Variants in LDHB observed in about 807,000 individuals in gnomAD.
LDHB encodes the protein L-lactate dehydrogenase B chain.
A neutral mutation model predicts 33.4 loss-of-function variants in LDHB; 18 were observed. The observed-to-expected ratio is 0.54, with a 90% CI of 0.37 to 0.80. The LOEUF (loss-of-function observed/expected upper bound fraction) is 0.80, where lower values mean the gene tolerates loss of function less well. Ranked by LOEUF, LDHB falls within the 30% of genes least tolerant of loss-of-function variation. The probability of loss-of-function intolerance (pLI) is 0.00; values close to 1 mark genes in which losing one functional copy is unlikely to be tolerated. For synonymous variants in LDHB, 121 were observed against 140.6 expected (o/e 0.86, Z 0.98); for missense variants, 345 against 407.9 (o/e 0.85, Z 1.33).
rs1311051522 is a variant in LDHB at position 21,635,627 on chromosome 12, T to C, written c.920A>G (p.Gln307Arg). The C allele has an allele frequency of 1.2e-6, 2 of 1,613,502 alleles. No homozygotes were observed. The highest frequency in any genetic ancestry group is 1.7e-6 in the Non-Finnish European group (2 of 1,179,734). ...AGCAACCTCATCATCCTTTAGCTTCTGGTTGATAACGCTGGTTAATCCCCG... is the reference window on the plus strand; with the variant it reads ...AGCAACCTCATCATCCTTTAGCTTCCGGTTGATAACGCTGGTTAATCCCCG... ...NARGLTSVIN[Q>R]KLKDDEVAQL... is the part of the protein sequence containing the mutation. The change falls in exon 8 of 8, where the codon CAG (glutamine) becomes CGG (arginine). Residue 307 changes from glutamine to arginine, a missense_variant. Physicochemically the swap from Gln to Arg is conservative, Grantham distance 43. Transcript: ENST00000350669.
chr12:21,654,523 A>G lies in LDHB; in HGVS notation c.129+20T>C, dbSNP rs374459879. 21 of 1,612,716 alleles carry G rather than the reference A, an allele frequency of 1.3e-5. No individual in the cohort carries two copies. The highest frequency in any genetic ancestry group is 1.3e-5 in the Non-Finnish European group (15 of 1,178,870). ...TACATGCTGAACTTCTCTATCATCTATGGTGTTCTTGAAATGTACCTTTCC... is the reference window on the plus strand; with the variant it reads ...TACATGCTGAACTTCTCTATCATCTGTGGTGTTCTTGAAATGTACCTTTCC... On this transcript the variant is annotated intron_variant, in intron 2 of 7. Coordinates refer to ENST00000350669, the MANE Select transcript of LDHB (RefSeq NM_002300.8).
chr12:21,645,300 TA>T (rs1030480268), intron 3 of LDHB, among the ~76,000 whole-genome samples: 1 of 152,108 alleles, frequency 6.6e-6, no homozygotes, highest in African/African-American at 2.4e-5. Flanking sequence ...CCCCACGTGA[TA>T]GTCTGAAATA....
chr12:21,648,661 G>C (rs1410879476), intron 2 of LDHB, among the ~76,000 whole-genome samples: 2 of 152,160 alleles, frequency 1.3e-5, no homozygotes, highest in African/African-American at 4.8e-5. Flanking sequence ...AGAGCTGGGA[G>C]ACAGTCAATA....
At chr12:21,651,597 G>A (rs1938692935) in intron 2 of LDHB, among the ~76,000 whole-genome samples, 1 of 152,042 alleles carries the variant, frequency 6.6e-6, no homozygotes, top group Admixed American at 6.5e-5. Flanking sequence ...GTGATCTTAG[G>A]TGTTTGGTTT....
At chr12:21,649,053 C>G (rs1272824853) in intron 2 of LDHB, among the ~76,000 whole-genome samples, 1 of 152,174 alleles carries the variant, frequency 6.6e-6, no homozygotes, top group Non-Finnish European at 1.5e-5. Flanking sequence ...ACAAAATTCT[C>G]ATTTGTATTT....
intron 3 of LDHB, among the ~76,000 whole-genome samples, chr12:21,645,772 CAG>C (rs1284463611): frequency 6.6e-6 from 1 of 152,114 alleles, no homozygotes; most frequent in African/African-American, 2.4e-5. Context: ...TAAGGGAACT[CAG>C]AGACTGGTGC....
intron 4 of LDHB, among the ~76,000 whole-genome samples, chr12:21,642,646 T>C (rs1245946025): frequency 6.6e-6 from 1 of 152,168 alleles, no homozygotes; most frequent in Non-Finnish European, 1.5e-5. Flanking sequence ...TAAAAGAACA[T>C]CTATGTCAGA....
chr12:21,650,069 G>T (rs1343920383), intron 2 of LDHB, among the ~76,000 whole-genome samples: 2 of 142,802 alleles, frequency 1.4e-5, no homozygotes, highest in Non-Finnish European at 3.0e-5. Flanking sequence ...TCCAGCCTGG[G>T]TGACAGTAAG....
intron 2 of LDHB, among the ~76,000 whole-genome samples, chr12:21,648,068 T>C (rs1163949626): frequency 1.3e-5 from 2 of 152,144 alleles, no homozygotes; most frequent in Non-Finnish European, 2.9e-5. Context: ...TCTACATGCA[T>C]CTAAGCAACC....
chr12:21,643,768 A>G (rs960036802), intron 4 of LDHB, 167 bp downstream of exon 4: 1 of 624,046 alleles, frequency 1.6e-6, no homozygotes, highest in Non-Finnish European at 2.9e-6. Context: ...CTGGCCTGGG[A>G]CAGAGGCATT....
rs749860887 is a variant in LDHB at position 21,635,697 on chromosome 12, T to C, written c.850A>G (p.Ile284Val). The C allele has an allele frequency of 3.1e-5, 50 of 1,613,588 alleles. No homozygotes were observed. In the Admixed American group the frequency reaches 8.3e-4, roughly 27 times the overall value. The change falls in exon 8 of 8, where the codon ATT (isoleucine) becomes GTT (valine). Residue 284 changes from isoleucine (I) to valine (V), a missense_variant. By Grantham distance (29) the Ile-to-Val change is conservative. Transcript: ENST00000350669. Reference sequence around the variant, plus strand: ...AGGCTCAGGAAGACTTCATTCTCAATGCCATACATCCCCTGCCAGAACAAC... The same window carrying C: ...AGGCTCAGGAAGACTTCATTCTCAACGCCATACATCCCCTGCCAGAACAAC... ...VSTMVKGMYG[I>V]ENEVFLSLPC...
At position 21,645,579 on chromosome 12, in the gene LDHB, C is replaced by T. The variant is rs368039240; in HGVS notation, c.247+1320G>A. On this transcript the variant is annotated intron_variant, in intron 3 of 7. Coordinates refer to ENST00000350669, the MANE Select transcript of LDHB (RefSeq NM_002300.8). ...TGGGACATGCTGGCAGCAATACTGC[C>T]CTTTAAGGCATTGAGATGTTTATGT... Among the ~76,000 whole-genome samples, 90 of 151,808 alleles carry T rather than the reference C, an allele frequency of 5.9e-4. 1 individual carries two copies. The South Asian group carries it at 0.018, about 31-fold the overall frequency.
intron 1 of LDHB, among the ~76,000 whole-genome samples, chr12:21,656,509 C>T (rs1328004019): frequency 2.0e-5 from 3 of 152,092 alleles, no homozygotes; most frequent in Non-Finnish European, 2.9e-5. Flanking sequence ...GGTCTGTTTA[C>T]GACCGTTTTG....
chr12:21,647,080 A>C, intron 2 of LDHB, 64 bp from the exon 3 acceptor site: 3 of 891,798 alleles, frequency 3.4e-6, no homozygotes, highest in Non-Finnish European at 5.6e-6. Flanking sequence ...CTCACAATCT[A>C]ACCCAAAGAA....
chr12:21,647,688 T>TTAAAAATCTTG (rs1938563410), intron 2 of LDHB, among the ~76,000 whole-genome samples: 2 of 152,178 alleles, frequency 1.3e-5, no homozygotes, highest in Non-Finnish European at 2.9e-5. Flanking sequence ...TCTGGAGTCA[T>TTAAAAATCTTG]ATTTTTTTTT....
chr12:21,638,294 T>C lies in LDHB; in HGVS notation c.713+59A>G, dbSNP rs1279287748. ...AGCAGACAGCCATGGAAAATGTTTATAATTTTATTTAAGTAGAGTTGAAAT... is the reference window on the plus strand; with the variant it reads ...AGCAGACAGCCATGGAAAATGTTTACAATTTTATTTAAGTAGAGTTGAAAT... On this transcript the variant is annotated intron_variant, in intron 6 of 7. Transcript: ENST00000350669. 7.9e-5 allele frequency: 73 copies of C among 919,898 alleles called. 1 individual carries two copies. Among genetic ancestry groups the C allele is most frequent in the South Asian group, 7.6e-4 (58 of 76,558 alleles). 57.0% of individuals were successfully genotyped at this position (919,898 alleles called of 1,614,324 possible). A position where few individuals can be genotyped will look rare whatever the true frequency, so the allele number is the denominator to read the frequency against.
rs192757611 is a variant in LDHB, at chr12:21,655,947, C to T, written c.-6-1270G>A. ...CAGAGAATACAGATGGCAAATAAGCCTTTTCTTCACAATTATTACTTATAA... is the reference window on the plus strand; with the variant it reads ...CAGAGAATACAGATGGCAAATAAGCTTTTTCTTCACAATTATTACTTATAA... On this transcript the variant is annotated intron_variant, in intron 1 of 7. Transcript: ENST00000350669. Among the ~76,000 whole-genome samples, 696 of 152,242 alleles carry T rather than the reference C, an allele frequency of 4.6e-3. 3 individuals carry two copies. The highest frequency in any genetic ancestry group is 7.3e-3 in the Non-Finnish European group (496 of 68,018).
intron 1 of LDHB, among the ~76,000 whole-genome samples, chr12:21,654,899 G>T (rs1858975549): frequency 2.6e-5 from 4 of 151,916 alleles, no homozygotes; most frequent in Admixed American, 6.6e-5. Flanking sequence ...GAGGCTGGTG[G>T]ATCACGAGGT....
At position 21,648,371 on chromosome 12, in the gene LDHB, G is replaced by C. The variant is rs182636320; in HGVS notation, c.130-1355C>G. 4.6e-5 allele frequency among the ~76,000 whole-genome samples: 7 copies of C among 152,152 alleles called. No homozygotes were observed. The East Asian group carries it at 1.4e-3, about 29-fold the overall frequency. On this transcript the variant is annotated intron_variant, in intron 2 of 7. Coordinates refer to ENST00000350669, the MANE Select transcript of LDHB (RefSeq NM_002300.8). ...AGGACAGTATTCACCGGATGCAAAA[G>C]ACTCTCCATATATGTGGGTTTCGCA...
Sources: gnomAD v4.1 joint callset for allele counts (sites outside exome capture counted in the v4.1 genomes callset) on GRCh38, gnomAD v4.1.1 for gene constraint, MANE v1.5 for transcripts, NCBI Gene and HGNC (gene_info 2026-07-23, HGNC 2026-07-21) for gene names.